Variants in KCNB2 observed in about 807,000 individuals in gnomAD.
The protein encoded by KCNB2 is delayed rectifier potassium channel protein.
In KCNB2, 15 loss-of-function variants were observed where a neutral mutation model predicts 61.5. That is an observed-to-expected ratio of 0.24 (90% CI 0.16 to 0.38). The LOEUF is 0.38. Ranked by LOEUF, KCNB2 falls within the 10% of genes least tolerant of loss-of-function variation. KCNB2 has a pLI of 1.00. For missense variants in KCNB2, 828 were observed against 1,125.2 expected (o/e 0.74, Z 3.78); for synonymous variants, 457 against 446.0 (o/e 1.02, Z -0.31).
chr8:72,573,379 G>T (rs1563527096), intron 2 of KCNB2, among the ~76,000 whole-genome samples: 1 of 152,228 alleles, frequency 6.6e-6, no homozygotes, highest in Non-Finnish European at 1.5e-5. Context: ...CAAGTGAACA[G>T]CTTGGGCTGT....
intron 2 of KCNB2, among the ~76,000 whole-genome samples, chr8:72,729,751 C>A (rs1266383998): frequency 6.6e-6 from 1 of 151,942 alleles, no homozygotes; most frequent in Non-Finnish European, 1.5e-5. Flanking sequence ...GGTGTGGTGG[C>A]ACATGTTTGT....
chr8:72,732,676 T>G (rs1026103544), intron 2 of KCNB2, among the ~76,000 whole-genome samples: 1 of 151,966 alleles, frequency 6.6e-6, no homozygotes, highest in African/African-American at 2.4e-5. Flanking sequence ...GGGAAAGGAG[T>G]AGGTTGCATA....
chr8:72,638,387 G>A (rs1476151874), intron 2 of KCNB2, among the ~76,000 whole-genome samples: 1 of 151,918 alleles, frequency 6.6e-6, no homozygotes. Flanking sequence ...TAATCCCAGG[G>A]GCTATTTCCA....
intron 2 of KCNB2, among the ~76,000 whole-genome samples, chr8:72,701,945 C>T (rs1378957985): frequency 6.6e-6 from 1 of 152,082 alleles, no homozygotes; most frequent in Non-Finnish European, 1.5e-5. Context: ...TTATCCAAAA[C>T]ATTAACAATG....
intron 2 of KCNB2, among the ~76,000 whole-genome samples, chr8:72,725,323 T>C (rs1190676083): frequency 6.6e-6 from 1 of 151,604 alleles, no homozygotes; most frequent in Non-Finnish European, 1.5e-5. Flanking sequence ...GCCAGCACAT[T>C]GATTACTAAC....
chr8:72,713,488 C>G (rs1254677793), intron 2 of KCNB2, among the ~76,000 whole-genome samples: 2 of 152,174 alleles, frequency 1.3e-5, no homozygotes, highest in Admixed American at 1.3e-4. Context: ...CAGGCAGCAG[C>G]ATTTGCGGTT....
At chr8:72,912,354 G>A (rs1806311947) in intron 2 of KCNB2, among the ~76,000 whole-genome samples, 1 of 151,934 alleles carries the variant, frequency 6.6e-6, no homozygotes, top group African/African-American at 2.4e-5. Flanking sequence ...TAACTTCAGG[G>A]AAAAGGCCAC....
intron 2 of KCNB2, among the ~76,000 whole-genome samples, chr8:72,781,429 T>C (rs1446500645): frequency 6.6e-6 from 1 of 152,122 alleles, no homozygotes; most frequent in African/African-American, 2.4e-5. Flanking sequence ...AATTTTCTGC[T>C]TATGGCTAAC....
chr8:72,874,999 C>T (rs1481349534), intron 2 of KCNB2: 1 of 152,412 alleles, frequency 6.6e-6, no homozygotes, highest in East Asian at 1.9e-4. Flanking sequence ...AGGCTCACCT[C>T]CTCCAGCCTC....
intron 2 of KCNB2, among the ~76,000 whole-genome samples, chr8:72,805,754 A>T (rs1012632828): frequency 2.0e-5 from 3 of 152,074 alleles, no homozygotes; most frequent in African/African-American, 7.2e-5. Context: ...CCCTACCAAC[A>T]TCATTATGCC....
intron 2 of KCNB2, among the ~76,000 whole-genome samples, chr8:72,686,581 T>C (rs985983573): frequency 3.0e-4 from 45 of 152,282 alleles, no homozygotes; most frequent in African/African-American, 1.1e-3. Context: ...TAAGTTGGTA[T>C]TGAAGAGAGC....
intron 2 of KCNB2, among the ~76,000 whole-genome samples, chr8:72,770,390 A>G (rs1008258921): frequency 6.6e-6 from 1 of 152,210 alleles, no homozygotes; most frequent in South Asian, 2.1e-4. Context: ...GAAACAATTT[A>G]TAAGGTCCAA....
intron 2 of KCNB2, among the ~76,000 whole-genome samples, chr8:72,657,202 T>C (rs1233115089): frequency 6.6e-6 from 1 of 152,144 alleles, no homozygotes; most frequent in Non-Finnish European, 1.5e-5. Flanking sequence ...GTAGGAATAG[T>C]GGTCAATTAT....
intron 2 of KCNB2, among the ~76,000 whole-genome samples, chr8:72,912,465 A>G (rs975276260): frequency 2.0e-5 from 3 of 148,118 alleles, no homozygotes; most frequent in African/African-American, 7.5e-5. Context: ...GTTCAGCTAT[A>G]CAAAGTGGTA....
intron 1 of KCNB2, among the ~76,000 whole-genome samples, chr8:72,550,391 A>G (rs187473569): frequency 8.9e-4 from 136 of 152,288 alleles, no homozygotes; most frequent in African/African-American, 3.2e-3. Flanking sequence ...GGTTATGCAA[A>G]CTTAGTCCTT....
chr8:72,767,317 A>G (rs1585881382), intron 2 of KCNB2, among the ~76,000 whole-genome samples: 3 of 152,162 alleles, frequency 2.0e-5, no homozygotes, highest in Admixed American at 6.5e-5. Flanking sequence ...TAATTGTTAT[A>G]GTATATTCAC....
At chr8:72,582,620 G>T (rs1806921909) in intron 2 of KCNB2, among the ~76,000 whole-genome samples, 1 of 152,114 alleles carries the variant, frequency 6.6e-6, no homozygotes, top group Non-Finnish European at 1.5e-5. Context: ...TTTAAAACTT[G>T]TACGATTTTA....
At chr8:72,865,639 G>A (rs931646099) in intron 2 of KCNB2, among the ~76,000 whole-genome samples, 13 of 152,234 alleles carry the variant, frequency 8.5e-5, no homozygotes, top group East Asian at 5.8e-4. Flanking sequence ...GCAGAACTCC[G>A]AAATTATAAA....
At chr8:72,714,363 T>C (rs1484415149) in intron 2 of KCNB2, among the ~76,000 whole-genome samples, 1 of 152,068 alleles carries the variant, frequency 6.6e-6, no homozygotes, top group Non-Finnish European at 1.5e-5. Flanking sequence ...AATTGTCAGA[T>C]TCACCAAAGT....
Sources: allele counts gnomAD v4.1 joint callset (sites outside exome capture counted in the v4.1 genomes callset), GRCh38; gene constraint gnomAD v4.1.1; transcripts MANE v1.5; gene names NCBI Gene and HGNC (gene_info 2026-07-23, HGNC 2026-07-21).